MBD5: variants seen among roughly 807,000 people sequenced by gnomAD.
MBD5 encodes the protein methyl-CpG binding domain protein 5.
MBD5 carries 13 observed loss-of-function variants against 117.3 expected under a neutral mutation model. The observed-to-expected ratio is 0.11, with a 90% CI of 0.07 to 0.18. The LOEUF (loss-of-function observed/expected upper bound fraction) is 0.18. Among genes scored for constraint, MBD5 ranks in the 10% least tolerant of loss-of-function variants. The pLI is 1.00. For synonymous variants in MBD5, 727 were observed against 766.4 expected (o/e 0.95, Z 0.85); for missense variants, 1,879 against 2,093.8 (o/e 0.90, Z 2.00).
At position 148,483,987 on chromosome 2, in the gene MBD5, A is replaced by T. The variant is rs1278551379; in HGVS notation, c.3396A>T (p.Ser1132=). The T allele has an allele frequency of 6.4e-7, 1 of 1,550,396 alleles. No homozygotes were observed. Among genetic ancestry groups the T allele is most frequent in the East Asian group, 2.4e-5 (1 of 40,914 alleles). Residue 1132 remains serine, a synonymous_variant, in exon 9 of 14, where the codon TCA becomes TCT. Coordinates refer to ENST00000642680, the MANE Select transcript of MBD5 (RefSeq NM_001378120.1). ...CAGCAGTGGCAGCACTGACTGTCTC[A>T]ACACTTGGTGGGACAGCAGTGGTGT... ...TSSAVAALTV[S]TLGGTAVVSM... is the part of the protein sequence containing the mutation.
At chr2:148,209,627 G>A (rs1699372312) in intron 2 of MBD5, among the ~76,000 whole-genome samples, 1 of 151,702 alleles carries the variant, frequency 6.6e-6, no homozygotes, top group African/African-American at 2.4e-5. Context: ...ACGGAATAAT[G>A]AGACTGGCAT....
chr2:148,102,700 TCACACACACACA>T (rs72105542), intron 1 of MBD5, among the ~76,000 whole-genome samples: 106 of 131,918 alleles, frequency 8.0e-4, no homozygotes, highest in East Asian at 3.4e-3. Flanking sequence ...GAGAGAGAGA[TCACACACACACA>T]CACACACACA....
At chr2:148,060,132 CAAAAAAAAAAAAAAAAAA>C (rs35925701) in intron 1 of MBD5, among the ~76,000 whole-genome samples, 1 of 14,042 alleles carries the variant, frequency 7.1e-5, no homozygotes, top group South Asian at 8.2e-3. Context: ...ACAAAAAGTG[CAAAAAAAAAAAAAAAAAA>C]AAAAAAAAAA....
chr2:148,514,417 A>C lies in MBD5; in HGVS notation c.*1476A>C, dbSNP rs914888725. 2 of 152,226 alleles carry C rather than the reference A, an allele frequency of 1.3e-5. No homozygotes were observed. The highest frequency in any genetic ancestry group is 2.9e-5 in the Non-Finnish European group (2 of 68,038). The allele number at this position is 152,226 out of a possible 1,614,324, so 9.4% of individuals were successfully genotyped here. On this transcript the variant is annotated 3_prime_UTR_variant, in exon 14 of 14. Coordinates refer to ENST00000642680, the MANE Select transcript of MBD5 (RefSeq NM_001378120.1). ...CCCTATCTTCCAGGCAGTTAAGCAAAGTTTAGGCTTCCAGCCTGACTTCAG... is the reference window on the plus strand; with the variant it reads ...CCCTATCTTCCAGGCAGTTAAGCAACGTTTAGGCTTCCAGCCTGACTTCAG...
chr2:148,174,089 A>T (rs2105815045), intron 1 of MBD5, among the ~76,000 whole-genome samples: 1 of 152,318 alleles, frequency 6.6e-6, no homozygotes, highest in East Asian at 1.9e-4. Flanking sequence ...AGCAAAAAAA[A>T]TTAAAATAAA....
chr2:148,189,270 C>T (rs1400479916), intron 2 of MBD5, among the ~76,000 whole-genome samples: 5 of 149,380 alleles, frequency 3.3e-5, no homozygotes, highest in South Asian at 2.1e-4. Context: ...TCAAGGAGGC[C>T]TGCCTGCCTC....
chr2:148,427,711 G>T (rs1705846472), intron 4 of MBD5, among the ~76,000 whole-genome samples: 1 of 151,992 alleles, frequency 6.6e-6, no homozygotes, highest in African/African-American at 2.4e-5. Context: ...AATGGGTGCA[G>T]CACACCAACA....
chr2:148,247,253 C>T (rs1170522589), intron 3 of MBD5, among the ~76,000 whole-genome samples: 1 of 152,142 alleles, frequency 6.6e-6, no homozygotes, highest in East Asian at 1.9e-4. Flanking sequence ...TTCTTGCAGA[C>T]TGTATGACTT....
chr2:148,269,755 T>G (rs1400657123), intron 3 of MBD5, among the ~76,000 whole-genome samples: 1 of 151,296 alleles, frequency 6.6e-6, no homozygotes, highest in Non-Finnish European at 1.5e-5. Context: ...CTTTAAAAAT[T>G]ATCTTCTATT....
chr2:148,443,310 G>A lies in MBD5; in HGVS notation c.-556-14893G>A, dbSNP rs146038651. Among the ~76,000 whole-genome samples the A allele has an allele frequency of 6.7e-4, 101 of 151,256 alleles. 2 individuals carry two copies. Among genetic ancestry groups the A allele is most frequent in the Non-Finnish European group, 1.2e-3 (84 of 67,944 alleles). On this transcript the variant is annotated intron_variant, in intron 4 of 13. Transcript: ENST00000642680. ...TGTTGTACACTGGAAATGTAAATTGGGAATGTAAAGAGAGAACAGTTTGGA... is the reference window on the plus strand; with the variant it reads ...TGTTGTACACTGGAAATGTAAATTGAGAATGTAAAGAGAGAACAGTTTGGA...
rs1209498549 is a variant in MBD5, at chr2:148,239,218, G to A, written c.-680+5823G>A. Reference sequence around the variant, plus strand: ...ATCTATGACTAGATCTACATGTTTTGCCTAGTGATATCTGACACCACCATT... The same window carrying A: ...ATCTATGACTAGATCTACATGTTTTACCTAGTGATATCTGACACCACCATT... On this transcript the variant is annotated intron_variant, in intron 3 of 13. Coordinates refer to ENST00000642680, the MANE Select transcript of MBD5 (RefSeq NM_001378120.1). Among the ~76,000 whole-genome samples the A allele has an allele frequency of 3.9e-5, 6 of 152,160 alleles. No individual in the cohort carries two copies. In the East Asian group the frequency reaches 1.2e-3, roughly 29 times the overall value.
intron 1 of MBD5, among the ~76,000 whole-genome samples, chr2:148,029,226 G>C (rs1313279229): frequency 6.6e-6 from 1 of 150,956 alleles, no homozygotes; most frequent in East Asian, 2.0e-4. Context: ...ATAAAATTAA[G>C]CTTTTTTTTT....
chr2:148,475,751 GATTC>G (rs1384915874), intron 8 of MBD5, among the ~76,000 whole-genome samples: 1 of 152,078 alleles, frequency 6.6e-6, no homozygotes, highest in East Asian at 1.9e-4. Flanking sequence ...AACGTACCCA[GATTC>G]TATGGAGTAA....
At chr2:148,350,602 A>G (rs1703227169) in intron 4 of MBD5, among the ~76,000 whole-genome samples, 1 of 152,038 alleles carries the variant, frequency 6.6e-6, no homozygotes, top group Non-Finnish European at 1.5e-5. Flanking sequence ...TTAGAATGCA[A>G]TGGTCTCTGA....
intron 1 of MBD5, among the ~76,000 whole-genome samples, chr2:148,056,780 C>G (rs1434373411): frequency 1.3e-5 from 2 of 151,840 alleles, no homozygotes; most frequent in African/African-American, 4.8e-5. Flanking sequence ...TTTCTATTCT[C>G]TGGAAGTTTT....
chr2:148,172,443 C>T (rs1209835847), intron 1 of MBD5, among the ~76,000 whole-genome samples: 2 of 152,220 alleles, frequency 1.3e-5, no homozygotes, highest in African/African-American at 2.4e-5. Context: ...CCTCAGCCCC[C>T]TCTGAAACTT....
chr2:148,389,303 T>TATATATATAA (rs1704492074), intron 4 of MBD5, among the ~76,000 whole-genome samples: 1 of 108,688 alleles, frequency 9.2e-6, no homozygotes, highest in Non-Finnish European at 1.9e-5. Context: ...TATATATATA[T>TATATATATAA]AACATTTTCT....
At chr2:148,438,072 A>G (rs1452597183) in intron 4 of MBD5, among the ~76,000 whole-genome samples, 1 of 152,246 alleles carries the variant, frequency 6.6e-6, no homozygotes, top group Non-Finnish European at 1.5e-5. Flanking sequence ...GTGGAGTCAA[A>G]TTTGCAATAA....
chr2:148,507,716 C>T (rs1431455259), intron 12 of MBD5, among the ~76,000 whole-genome samples: 2 of 150,398 alleles, frequency 1.3e-5, no homozygotes, highest in East Asian at 2.0e-4. Context: ...GCCGAGACTG[C>T]GCCACTGCAC....
Sources: gnomAD v4.1 joint callset for allele counts (sites outside exome capture counted in the v4.1 genomes callset) on GRCh38, gnomAD v4.1.1 for gene constraint, MANE v1.5 for transcripts, NCBI Gene and HGNC (gene_info 2026-07-23, HGNC 2026-07-21) for gene names.